The following TENM2 variants were observed in gnomAD, a reference collection of about 807,000 sequenced individuals.
The protein encoded by TENM2 is teneurin transmembrane protein 2.
A neutral mutation model predicts 245.2 loss-of-function variants in TENM2; 52 were observed. That is an observed-to-expected ratio of 0.21 (90% CI 0.17 to 0.27). The LOEUF (loss-of-function observed/expected upper bound fraction) is 0.27. Among genes scored for constraint, TENM2 ranks in the 10% least tolerant of loss-of-function variants. TENM2 has a pLI of 1.00. For missense variants in TENM2, 3,046 were observed against 3,666.8 expected (o/e 0.83, Z 4.37); for synonymous variants, 1,363 against 1,438.9 (o/e 0.95, Z 1.19).
chr5:167,428,403 T>A (rs1386954938), intron 2 of TENM2, among the ~76,000 whole-genome samples: 4 of 152,226 alleles, frequency 2.6e-5, no homozygotes, highest in African/African-American at 9.6e-5. Context: ...ATTGTGTTTT[T>A]TTAAAAATAA....
chr5:166,981,733 C>T, the TENM2 span, among the ~76,000 whole-genome samples: 6,002 of 152,186 alleles, frequency 0.039, 387 homozygotes, highest in African/African-American at 0.13. Flanking sequence ...ACTATGAGTA[C>T]GTTGATTTAA....
intron 2 of TENM2, among the ~76,000 whole-genome samples, chr5:167,524,766 A>G (rs1178952989): frequency 2.0e-5 from 3 of 151,716 alleles, no homozygotes; most frequent in Non-Finnish European, 2.9e-5. Context: ...GGTCATTGCT[A>G]TTTTCGAAAC....
intron 2 of TENM2, among the ~76,000 whole-genome samples, chr5:167,391,622 C>CAAAAAAAAA (rs56202184): frequency 1.9e-5 from 1 of 53,498 alleles, no homozygotes; most frequent in Non-Finnish European, 3.8e-5. Context: ...AAGACTTCAT[C>CAAAAAAAAA]AAAAAAAAAA....
intron 2 of TENM2, among the ~76,000 whole-genome samples, chr5:167,694,103 C>T (rs968253245): frequency 6.6e-6 from 1 of 152,174 alleles, no homozygotes; most frequent in Admixed American, 6.5e-5. Context: ...AAATCATCAG[C>T]CTCCTAAATC....
chr5:167,343,099 C>T (rs1475952206), intron 1 of TENM2, among the ~76,000 whole-genome samples: 1 of 152,052 alleles, frequency 6.6e-6, no homozygotes, highest in African/African-American at 2.4e-5. Context: ...TACTTTGTTG[C>T]TCAAGTTGTT....
chr5:167,764,140 A>C (rs1762852573), intron 2 of TENM2, among the ~76,000 whole-genome samples: 1 of 152,126 alleles, frequency 6.6e-6, no homozygotes, highest in Admixed American at 6.5e-5. Context: ...AAAGAGAAAA[A>C]AAAATATATT....
At chr5:168,225,173 G>A (rs1764042656) in intron 23 of TENM2, among the ~76,000 whole-genome samples, 1 of 152,142 alleles carries the variant, frequency 6.6e-6, no homozygotes, top group South Asian at 2.1e-4. Flanking sequence ...TGGAGCCATG[G>A]CGGTTTAGTG....
intron 2 of TENM2, among the ~76,000 whole-genome samples, chr5:167,499,900 A>G (rs188805497): frequency 6.2e-5 from 6 of 96,044 alleles, no homozygotes; most frequent in African/African-American, 1.8e-4. Context: ...GTATATGTGT[A>G]TGTGAGGGTG....
Position 167,925,185 on chromosome 5 carries a change from T to G in TENM2, c.713-27403T>G, listed in dbSNP as rs59608564. ...AATAGCATCATACAATAGAATACTA[T>G]TCAGCAATACAAAGGAATAATCTAC... On this transcript the variant is annotated intron_variant, in intron 3 of 28. Transcript: ENST00000518659. 3.5e-3 allele frequency among the ~76,000 whole-genome samples: 535 copies of G among 152,314 alleles called. 2 individuals carry two copies. The highest frequency in any genetic ancestry group is 0.012 in the African/African-American group (484 of 41,560).
the TENM2 span, among the ~76,000 whole-genome samples, chr5:167,059,243 A>G: frequency 3.3e-5 from 5 of 152,348 alleles, no homozygotes; most frequent in Non-Finnish European, 7.3e-5. Flanking sequence ...TGGACAATTT[A>G]GGAGTACAAG....
chr5:167,010,909 G>C, the TENM2 span, among the ~76,000 whole-genome samples: 1 of 152,112 alleles, frequency 6.6e-6, no homozygotes, highest in Non-Finnish European at 1.5e-5. Flanking sequence ...GGTTTGCTCA[G>C]TACTTTATAA....
At chr5:167,091,612 G>A in the TENM2 span, among the ~76,000 whole-genome samples, 1 of 152,106 alleles carries the variant, frequency 6.6e-6, no homozygotes, top group Non-Finnish European at 1.5e-5. Context: ...TTTATAATTT[G>A]TGCAGTATTT....
intron 9 of TENM2, among the ~76,000 whole-genome samples, chr5:168,114,125 A>G (rs574440167): frequency 2.6e-5 from 4 of 152,284 alleles, no homozygotes; most frequent in African/African-American, 9.6e-5. Flanking sequence ...TTTGTAAGGG[A>G]GCATCTCTTA....
At chr5:168,235,783 G>C (rs1420135719) in intron 25 of TENM2, among the ~76,000 whole-genome samples, 1 of 150,516 alleles carries the variant, frequency 6.6e-6, no homozygotes, top group Non-Finnish European at 1.5e-5. Flanking sequence ...CTCCAGCCTG[G>C]GTGACAGAGT....
At chr5:167,874,772 A>T (rs1020047141) in intron 2 of TENM2, among the ~76,000 whole-genome samples, 4 of 152,226 alleles carry the variant, frequency 2.6e-5, no homozygotes, top group Non-Finnish European at 5.9e-5. Flanking sequence ...GAGAGGATGC[A>T]GCAGCCTCTG....
chr5:167,575,289 A>G (rs931362561), intron 2 of TENM2, among the ~76,000 whole-genome samples: 1 of 152,170 alleles, frequency 6.6e-6, no homozygotes, highest in Non-Finnish European at 1.5e-5. Flanking sequence ...TACAAAATTC[A>G]GTTAAAAGAA....
chr5:167,620,571 T>TC (rs1554091166), intron 2 of TENM2, among the ~76,000 whole-genome samples: 408 of 138,060 alleles, frequency 3.0e-3, no homozygotes, highest in Middle Eastern at 7.2e-3. Context: ...TTTTTTTTTT[T>TC]CAAGAACTGA....
At chr5:167,526,813 A>C (rs1175244373) in intron 2 of TENM2, among the ~76,000 whole-genome samples, 1 of 152,010 alleles carries the variant, frequency 6.6e-6, no homozygotes, top group East Asian at 1.9e-4. Flanking sequence ...CTTGAATGAA[A>C]TCTCATTCAG....
intron 2 of TENM2, among the ~76,000 whole-genome samples, chr5:167,766,566 T>A (rs916779078): frequency 3.9e-5 from 6 of 152,278 alleles, no homozygotes; most frequent in Non-Finnish European, 8.8e-5. Flanking sequence ...AATAAGTGTT[T>A]ACAAGGATAT....
Sources: gnomAD v4.1 joint callset for allele counts (sites outside exome capture counted in the v4.1 genomes callset) on GRCh38, gnomAD v4.1.1 for gene constraint, MANE v1.5 for transcripts, NCBI Gene and HGNC (gene_info 2026-07-23, HGNC 2026-07-21) for gene names.